The following GRID1 variants were observed in gnomAD, a reference collection of about 807,000 sequenced individuals.
GRID1 encodes the protein glutamate ionotropic receptor delta type subunit 1, also known as glutamate receptor ionotropic, delta-1.
A neutral mutation model predicts 98.0 loss-of-function variants in GRID1; 28 were observed. That is an observed-to-expected ratio of 0.29 (90% CI 0.21 to 0.39). The LOEUF is 0.39. Among genes scored for constraint, GRID1 ranks in the 10% least tolerant of loss-of-function variants. GRID1 has a pLI of 1.00. For synonymous variants in GRID1, 553 were observed against 538.5 expected, an observed-to-expected ratio of 1.03 and a Z score of -0.37; for missense variants, 1,111 against 1,340.5, an observed-to-expected ratio of 0.83 and a Z score of 2.67.
chr10:86,168,736 A>G (rs564858937), intron 3 of GRID1, among the ~76,000 whole-genome samples: 2 of 152,304 alleles, frequency 1.3e-5, no homozygotes, highest in Non-Finnish European at 2.9e-5. Flanking sequence ...ACCCAGTCAC[A>G]TACTCAAAGA....
intron 2 of GRID1, among the ~76,000 whole-genome samples, chr10:86,320,972 C>T (rs1220526468): frequency 6.6e-6 from 1 of 151,880 alleles, no homozygotes; most frequent in Admixed American, 6.6e-5. Context: ...TGGTGGTGGG[C>T]TCCTGTGGTC....
chr10:85,793,503 GGAA>G (rs1375541019), intron 8 of GRID1, among the ~76,000 whole-genome samples: 12 of 152,182 alleles, frequency 7.9e-5, no homozygotes, highest in African/African-American at 2.9e-4. Context: ...GCCCAGGCCT[GGAA>G]GAAGGTCAGG....
intron 10 of GRID1, among the ~76,000 whole-genome samples, chr10:85,726,955 T>C (rs7475982): frequency 0.06 from 9,102 of 152,252 alleles, 519 homozygotes; most frequent in African/African-American, 0.15. Flanking sequence ...AAAAGATTAA[T>C]AGAAATCGGA....
At chr10:85,630,822 G>A (rs1050646283) in intron 13 of GRID1, among the ~76,000 whole-genome samples, 1 of 152,190 alleles carries the variant, frequency 6.6e-6, no homozygotes, top group African/African-American at 2.4e-5. Context: ...AACCTTTACA[G>A]GTGATCCTGA....
chr10:85,608,623 C>G (rs917914992), intron 15 of GRID1, among the ~76,000 whole-genome samples: 1 of 152,170 alleles, frequency 6.6e-6, no homozygotes, highest in Non-Finnish European at 1.5e-5. Context: ...AGAGCTTCCA[C>G]TGTTCCAGAG....
intron 4 of GRID1, among the ~76,000 whole-genome samples, chr10:85,929,787 C>G (rs1841824337): frequency 6.6e-6 from 1 of 152,206 alleles, no homozygotes; most frequent in Admixed American, 6.5e-5. Flanking sequence ...ACACTTATAA[C>G]TCTTTCATCT....
chr10:85,649,104 T>C (rs1050838775), intron 12 of GRID1, among the ~76,000 whole-genome samples: 2 of 152,214 alleles, frequency 1.3e-5, no homozygotes, highest in Non-Finnish European at 2.9e-5. Context: ...CAGTAGTGAT[T>C]ATTCTGGGTC....
At position 85,841,535 on chromosome 10, in the gene GRID1, G is replaced by T. The variant is rs527574387; in HGVS notation, c.1233+12961C>A. ...TGCAAAGCAAAAGAAACTACCAATAGGGTAAACTGACAACCTACAGAATGA... is the reference window on the plus strand; with the variant it reads ...TGCAAAGCAAAAGAAACTACCAATATGGTAAACTGACAACCTACAGAATGA... On this transcript the variant is annotated intron_variant, in intron 8 of 15. Coordinates refer to ENST00000327946, the MANE Select transcript of GRID1 (RefSeq NM_017551.3). Among the ~76,000 whole-genome samples the T allele has an allele frequency of 2.0e-5, 3 of 152,150 alleles. No individual in the cohort carries two copies. In the East Asian group the frequency reaches 5.8e-4, roughly 29 times the overall value.
chr10:86,196,902 A>T (rs949210890), intron 3 of GRID1, among the ~76,000 whole-genome samples: 1 of 151,704 alleles, frequency 6.6e-6, no homozygotes, highest in African/African-American at 2.4e-5. Flanking sequence ...AAGGAAAGAA[A>T]CAAATGCTTC....
chr10:86,200,643 A>T (rs1201618283), intron 3 of GRID1, among the ~76,000 whole-genome samples: 1 of 152,278 alleles, frequency 6.6e-6, no homozygotes, highest in Non-Finnish European at 1.5e-5. Flanking sequence ...CCATAAAAAA[A>T]GATGACTACA....
intron 2 of GRID1, among the ~76,000 whole-genome samples, chr10:86,251,225 C>T (rs2132049110): frequency 6.6e-6 from 1 of 152,208 alleles, no homozygotes; most frequent in East Asian, 1.9e-4. Context: ...GCGGCAGGGC[C>T]CTCTGCCTAG....
intron 2 of GRID1, among the ~76,000 whole-genome samples, chr10:86,288,189 A>G (rs561869407): frequency 2.0e-5 from 3 of 152,262 alleles, no homozygotes; most frequent in African/African-American, 4.8e-5. Context: ...CTGGCCACGA[A>G]CCTGTTCACC....
chr10:85,784,858 T>C (rs1842412315), intron 8 of GRID1, among the ~76,000 whole-genome samples: 1 of 152,262 alleles, frequency 6.6e-6, no homozygotes, highest in Non-Finnish European at 1.5e-5. Flanking sequence ...GTGTTTTCAC[T>C]GGTTATCAAG....
chr10:85,616,797 G>A (rs1197527310), intron 14 of GRID1, among the ~76,000 whole-genome samples: 1 of 152,192 alleles, frequency 6.6e-6, no homozygotes, highest in Non-Finnish European at 1.5e-5. Context: ...GCCACTTCCT[G>A]AAGCCAGTTG....
At chr10:86,066,865 C>G (rs1016302638) in intron 4 of GRID1, among the ~76,000 whole-genome samples, 2 of 152,208 alleles carry the variant, frequency 1.3e-5, no homozygotes, top group East Asian at 3.9e-4. Context: ...AGAGCCACAG[C>G]CCAGAACGCT....
chr10:86,108,554 A>T (rs906879751), intron 4 of GRID1, among the ~76,000 whole-genome samples: 29 of 152,254 alleles, frequency 1.9e-4, no homozygotes, highest in African/African-American at 6.3e-4. Flanking sequence ...TGTATACACA[A>T]TATTCCAGAA....
chr10:86,338,716 C>T (rs1848266389), intron 2 of GRID1, among the ~76,000 whole-genome samples: 1 of 152,146 alleles, frequency 6.6e-6, no homozygotes, highest in African/African-American at 2.4e-5. Flanking sequence ...CACCACCACA[C>T]CCAGATAATT....
At chr10:86,080,404 AAGGGAAGGGGAGGGG>A (rs1843953019) in intron 4 of GRID1, among the ~76,000 whole-genome samples, 2 of 47,222 alleles carry the variant, frequency 4.2e-5, no homozygotes, top group Non-Finnish European at 7.1e-5. Context: ...AAGGGAAGGG[AAGGGAAGGGGAGGGG>A]AGGGGAGGGG....
chr10:85,856,262 A>T lies in GRID1; in HGVS notation c.952-72T>A, dbSNP rs1191132840. The T allele has an allele frequency of 3.7e-6, 5 of 1,356,890 alleles. No individual in the cohort carries two copies. In the Admixed American group the frequency reaches 8.7e-5, roughly 24 times the overall value. 84.1% of individuals were successfully genotyped at this position (1,356,890 alleles called of 1,614,324 possible). ...GAGAGCTTTGGAGAAACCCACAGAAAGGAGGAGGAATGCAGGATGCCAACA... is the reference window on the plus strand; with the variant it reads ...GAGAGCTTTGGAGAAACCCACAGAATGGAGGAGGAATGCAGGATGCCAACA... On this transcript the variant is annotated intron_variant, in intron 6 of 15. Coordinates refer to ENST00000327946, the MANE Select transcript of GRID1 (RefSeq NM_017551.3).
Sources: gnomAD v4.1 joint callset for allele counts (sites outside exome capture counted in the v4.1 genomes callset) on GRCh38, gnomAD v4.1.1 for gene constraint, MANE v1.5 for transcripts, NCBI Gene and HGNC (gene_info 2026-07-23, HGNC 2026-07-21) for gene names.